The following TBCK variants were observed in gnomAD, a reference collection of about 807,000 sequenced individuals.
TBCK encodes the protein TBC1 domain containing kinase, also known as TBC domain-containing protein kinase-like protein.
In TBCK, 99 loss-of-function variants were observed where a neutral mutation model predicts 113.4. That is an observed-to-expected ratio of 0.87 (90% CI 0.74 to 1.03). TBCK has a LOEUF of 1.03. TBCK is among the 50% of genes least tolerant of loss of function. TBCK has a pLI of 0.00. For synonymous variants in TBCK, 369 were observed against 370.8 expected (o/e 1.00, Z 0.05); for missense variants, 1,045 against 1,061.3 (o/e 0.98, Z 0.21).
At chr4:106,212,091 A>G (rs1450971661) in intron 20 of TBCK, among the ~76,000 whole-genome samples, 2 of 152,058 alleles carry the variant, frequency 1.3e-5, no homozygotes, top group African/African-American at 4.8e-5. Context: ...CCACGCTACC[A>G]CTTGCATCCC....
intron 20 of TBCK, among the ~76,000 whole-genome samples, chr4:106,209,067 T>C (rs1755842841): frequency 6.6e-6 from 1 of 152,174 alleles, no homozygotes; most frequent in African/African-American, 2.4e-5. Context: ...GCAGGGGCAA[T>C]GCCCACCATG....
intron 2 of TBCK, among the ~76,000 whole-genome samples, chr4:106,297,953 G>T (rs1766486711): frequency 6.6e-6 from 1 of 152,164 alleles, no homozygotes; most frequent in African/African-American, 2.4e-5. Flanking sequence ...ATAGTGTGTG[G>T]CACATAACAA....
At chr4:106,162,666 G>A (rs1170301422) in intron 23 of TBCK, among the ~76,000 whole-genome samples, 2 of 152,170 alleles carry the variant, frequency 1.3e-5, no homozygotes, top group East Asian at 1.9e-4. Context: ...GTGGGAAACT[G>A]CAAGGCTTAG....
intron 23 of TBCK, among the ~76,000 whole-genome samples, chr4:106,119,012 ACTTTG>A (rs1743919349): frequency 6.6e-6 from 1 of 152,230 alleles, no homozygotes; most frequent in Non-Finnish European, 1.5e-5. Flanking sequence ...AAATTATACT[ACTTTG>A]CTTTATGAAG....
chr4:106,274,376 T>C (rs1378044928), intron 3 of TBCK, among the ~76,000 whole-genome samples: 1 of 152,146 alleles, frequency 6.6e-6, no homozygotes, highest in Non-Finnish European at 1.5e-5. Flanking sequence ...CAAATACATA[T>C]GAATGTTCAT....
At chr4:106,116,067 C>T in intron 24 of TBCK, 136 bp downstream of exon 24, 1 of 736,182 alleles carries the variant, frequency 1.4e-6, no homozygotes, top group Non-Finnish European at 2.2e-6. Context: ...TTCTGGCATC[C>T]AGTTTGAGAG....
intron 25 of TBCK, among the ~76,000 whole-genome samples, chr4:106,082,077 A>C (rs1738935228): frequency 6.6e-6 from 1 of 152,240 alleles, no homozygotes; most frequent in Admixed American, 6.5e-5. Flanking sequence ...CTACCATTTG[A>C]CCTAGCAATC....
Position 106,247,203 on chromosome 4 carries a change from C to T in TBCK, c.867G>A (p.Leu289=), listed in dbSNP as rs750540011. The change falls in exon 10 of 26, where the codon CTG becomes CTA. Residue 289 remains leucine (L), a synonymous_variant. Transcript: ENST00000394708. ...CAGCACATCTCAGAGAAGATGAAAACAGACTGGCAGGTTTGGTAAAGGGGG... is the reference window on the plus strand; with the variant it reads ...CAGCACATCTCAGAGAAGATGAAAATAGACTGGCAGGTTTGGTAAAGGGGG... The part of the protein sequence containing the change: ...LYTPFTKPAS[L]FSSSLRCADL... 1.9e-6 allele frequency: 3 copies of T among 1,613,364 alleles called. No homozygotes were observed. The highest frequency in any genetic ancestry group is 2.2e-5 in the South Asian group (2 of 91,066).
chr4:106,116,312 G>A lies in TBCK; in HGVS notation c.2302C>T (p.Leu768=). 6.2e-7 allele frequency: 1 copy of A among 1,613,698 alleles called. No individual in the cohort carries two copies. The highest frequency in any genetic ancestry group is 8.5e-7 in the Non-Finnish European group (1 of 1,179,958). Reference sequence around the variant, plus strand: ...ACTGTGAGCTCACACAAGTCAATCAGGTCCTCTGCTGAAATCCGTGGTGAT... The same window carrying A: ...ACTGTGAGCTCACACAAGTCAATCAAGTCCTCTGCTGAAATCCGTGGTGAT... ...EVSPRISAED[L]IDLCELTVTG... is the part of the protein sequence containing the mutation. The change falls in exon 24 of 26, where the codon CTG becomes TTG. Residue 768 remains leucine, a synonymous_variant. Coordinates refer to ENST00000394708, the MANE Select transcript of TBCK (RefSeq NM_001163435.3).
chr4:106,195,271 T>C (rs538478118), intron 20 of TBCK, among the ~76,000 whole-genome samples: 10 of 152,258 alleles, frequency 6.6e-5, no homozygotes, highest in African/African-American at 2.4e-4. Flanking sequence ...ATTACAAATG[T>C]AGATGACTCT....
chr4:106,310,964 G>C (rs890588622), intron 1 of TBCK, among the ~76,000 whole-genome samples: 1 of 151,820 alleles, frequency 6.6e-6, no homozygotes, highest in Admixed American at 6.6e-5. Flanking sequence ...AAAGAGAAAT[G>C]GCCAATAGAT....
intron 23 of TBCK, among the ~76,000 whole-genome samples, chr4:106,125,983 G>A (rs913305167): frequency 6.6e-6 from 1 of 152,170 alleles, no homozygotes; most frequent in Admixed American, 6.5e-5. Context: ...GGCAAGATAT[G>A]TGCTCTATAA....
intron 24 of TBCK, among the ~76,000 whole-genome samples, chr4:106,112,296 A>G (rs1259014037): frequency 6.6e-6 from 1 of 152,060 alleles, no homozygotes; most frequent in East Asian, 1.9e-4. Flanking sequence ...TGCAAATAGC[A>G]CTCTCTGATT....
chr4:106,214,091 C>A (rs1324789546), intron 19 of TBCK, among the ~76,000 whole-genome samples: 1 of 152,146 alleles, frequency 6.6e-6, no homozygotes, highest in African/African-American at 2.4e-5. Context: ...CTGGGAGGCA[C>A]CCTCCAGCAG....
intron 3 of TBCK, among the ~76,000 whole-genome samples, chr4:106,267,399 T>C (rs1312333200): frequency 1.3e-5 from 2 of 151,934 alleles, no homozygotes; most frequent in Non-Finnish European, 2.9e-5. Flanking sequence ...GGGCCCACAA[T>C]TACCAAGAAG....
intron 20 of TBCK, among the ~76,000 whole-genome samples, chr4:106,202,467 G>C (rs1043786697): frequency 1.3e-4 from 20 of 151,956 alleles, no homozygotes; most frequent in Non-Finnish European, 7.4e-5. Context: ...AAGATGTACA[G>C]AGACACCATC....
Position 106,244,810 on chromosome 4 carries a change from T to G in TBCK, c.932-46A>C, listed in dbSNP as rs753878002. ...GAATCATTGTATTATATTTTCTACT[T>G]TTATTAAACGTCAACAGGCAGTAAT... is the stretch of plus-strand genomic sequence containing the variant. On this transcript the variant is annotated intron_variant, in intron 10 of 25. Transcript: ENST00000394708. 2.4e-6 allele frequency: 3 copies of G among 1,255,466 alleles called. No individual in the cohort carries two copies. The Admixed American group carries it at 7.3e-5, about 31-fold the overall frequency. 77.8% of individuals were successfully genotyped at this position (1,255,466 alleles called of 1,614,324 possible).
chr4:106,204,751 A>ATTTTTTTTTTTTTTTT (rs34775295), intron 20 of TBCK, among the ~76,000 whole-genome samples: 7 of 87,282 alleles, frequency 8.0e-5, no homozygotes, highest in Non-Finnish European at 1.5e-4. Flanking sequence ...ACAAACAATG[A>ATTTTTTTTTTTTTTTT]TTTTTTTTTT....
rs548433889 is a variant in TBCK at position 106,042,357 on chromosome 4, A to G, written c.*4213T>C. ...TTTTATTAAATAAGACTACTGCATA[A>G]GATTTTTTTTTTTCTTTTTTGAGAC... On this transcript the variant is annotated 3_prime_UTR_variant, in exon 26 of 26. Coordinates refer to ENST00000394708, the MANE Select transcript of TBCK (RefSeq NM_001163435.3). 1 of 152,100 alleles carries G rather than the reference A, an allele frequency of 6.6e-6. No individual in the cohort carries two copies. Among genetic ancestry groups the G allele is most frequent in the East Asian group, 1.9e-4 (1 of 5,164 alleles). The allele number at this position is 152,100 out of a possible 1,614,324, so 9.4% of individuals were successfully genotyped here.
Sources: gnomAD v4.1 joint callset for allele counts (sites outside exome capture counted in the v4.1 genomes callset) on GRCh38, gnomAD v4.1.1 for gene constraint, MANE v1.5 for transcripts, NCBI Gene and HGNC (gene_info 2026-07-23, HGNC 2026-07-21) for gene names.